The following SEM1 variants were observed in gnomAD, a reference collection of about 807,000 sequenced individuals.
The protein encoded by SEM1 is SEM1 26S proteasome subunit.
In SEM1, 3 loss-of-function variants were observed where a neutral mutation model predicts 12.7. The observed-to-expected ratio is 0.24, with a 90% CI of 0.11 to 0.61. The LOEUF (loss-of-function observed/expected upper bound fraction) is 0.61. SEM1 is among the 20% of genes least tolerant of loss of function. The pLI is 0.88. For synonymous variants in SEM1, 30 were observed against 27.8 expected, an observed-to-expected ratio of 1.08 and a Z score of -0.25; for missense variants, 59 against 81.3, an observed-to-expected ratio of 0.73 and a Z score of 1.06.
chr7:96,572,410 G>A (rs1056211068), intron 2 of SEM1, among the ~76,000 whole-genome samples: 3 of 152,108 alleles, frequency 2.0e-5, no homozygotes, highest in Non-Finnish European at 4.4e-5. Context: ...GCTTTCTCCT[G>A]TTGGCATCTA....
intron 2 of SEM1, chr7:96,656,658 T>A: frequency 6.6e-6 from 1 of 151,346 alleles, no homozygotes; most frequent in Non-Finnish European, 1.5e-5. Flanking sequence ...ACTGTCTTGG[T>A]ACAACAAAAT....
chr7:96,610,498 C>T (rs752877414), intron 2 of SEM1, among the ~76,000 whole-genome samples: 1 of 152,288 alleles, frequency 6.6e-6, no homozygotes, highest in East Asian at 1.9e-4. Flanking sequence ...AGGTAAGAGA[C>T]AAGAGAGGTA....
chr7:96,613,920 A>G (rs1432505454), intron 2 of SEM1, among the ~76,000 whole-genome samples: 1 of 152,212 alleles, frequency 6.6e-6, no homozygotes, highest in Non-Finnish European at 1.5e-5. Context: ...TTGTATCTAT[A>G]CCACATTTTA....
At chr7:96,701,372 C>A (rs955934059) in intron 1 of SEM1, among the ~76,000 whole-genome samples, 2 of 151,986 alleles carry the variant, frequency 1.3e-5, no homozygotes, top group Non-Finnish European at 2.9e-5. Context: ...TTAAGAGACA[C>A]CAGAGAGCAT....
intron 1 of SEM1, among the ~76,000 whole-genome samples, chr7:96,705,819 CAAA>C (rs1218812594): frequency 2.1e-5 from 2 of 96,440 alleles, no homozygotes; most frequent in Non-Finnish European, 2.2e-5. Flanking sequence ...GACTCTGTCT[CAAA>C]AAAAAAAAAA....
intron 2 of SEM1, among the ~76,000 whole-genome samples, chr7:96,519,265 T>C (rs6971293): frequency 0.65 from 99,269 of 152,034 alleles, 32,731 homozygotes; most frequent in East Asian, 0.87. Flanking sequence ...TCAACAAAAC[T>C]ATTTTTTTTG....
intron 2 of SEM1, among the ~76,000 whole-genome samples, chr7:96,580,227 T>G (rs1402124485): frequency 6.7e-6 from 1 of 148,802 alleles, no homozygotes; most frequent in South Asian, 2.2e-4. Flanking sequence ...GTGTTTGGTT[T>G]TTTGTTCTTG....
chr7:96,512,272 G>A (rs181177938), intron 2 of SEM1, among the ~76,000 whole-genome samples: 2 of 152,180 alleles, frequency 1.3e-5, no homozygotes, highest in East Asian at 3.9e-4. Context: ...GATGACAAAG[G>A]CCTCTTGATG....
intron 3 of SEM1, among the ~76,000 whole-genome samples, chr7:96,484,305 G>A (rs1802665466): frequency 6.6e-6 from 1 of 152,128 alleles, no homozygotes; most frequent in Non-Finnish European, 1.5e-5. Flanking sequence ...TCATATGCCT[G>A]TTTTCAACTT....
At position 96,630,147 on chromosome 7, in the gene SEM1, C is replaced by T. The variant is rs745525251; in HGVS notation, c.171-7504G>A. On this transcript the variant is annotated intron_variant, in intron 2 of 2. Transcript: ENST00000417009. Reference sequence around the variant, plus strand: ...CCAGTCCTTGGCTGCAGCTTATGTTCGCTTAAGGCCCTAGGGCTCTACACT... The same window carrying T: ...CCAGTCCTTGGCTGCAGCTTATGTTTGCTTAAGGCCCTAGGGCTCTACACT... Among the ~76,000 whole-genome samples, 6 of 152,108 alleles carry T rather than the reference C, an allele frequency of 3.9e-5. No homozygotes were observed. The East Asian group carries it at 9.7e-4, about 25-fold the overall frequency.
At chr7:96,679,632 G>A (rs1295399050) in intron 2 of SEM1, among the ~76,000 whole-genome samples, 8 of 152,018 alleles carry the variant, frequency 5.3e-5, no homozygotes, top group Non-Finnish European at 1.2e-4. Context: ...TTAGTGATCT[G>A]ATTGACCTCT....
chr7:96,653,607 C>G (rs183370953), intron 2 of SEM1: 1 of 152,296 alleles, frequency 6.6e-6, no homozygotes, highest in East Asian at 1.9e-4. Context: ...TTGATAACAA[C>G]CTGTACAGAT....
chr7:96,694,970 A>G (rs959925863), intron 1 of SEM1, 79 bp from the exon 2 acceptor site: 2 of 996,942 alleles, frequency 2.0e-6, no homozygotes, highest in Admixed American at 1.9e-5. Flanking sequence ...AAAGCTTGCT[A>G]CTGAACACTC....
intron 2 of SEM1, among the ~76,000 whole-genome samples, chr7:96,560,157 A>G (rs1805648167): frequency 6.6e-6 from 1 of 152,150 alleles, no homozygotes; most frequent in Non-Finnish European, 1.5e-5. Context: ...ATTTTTTTCA[A>G]ATATATCTGA....
At chr7:96,600,532 C>T (rs1046645969) in intron 2 of SEM1, among the ~76,000 whole-genome samples, 7 of 152,168 alleles carry the variant, frequency 4.6e-5, no homozygotes, top group Admixed American at 6.5e-5. Flanking sequence ...TCCTCTCAAA[C>T]AGATGAGGAA....
At chr7:96,559,711 C>G (rs1161913268) in intron 2 of SEM1, among the ~76,000 whole-genome samples, 3 of 152,240 alleles carry the variant, frequency 2.0e-5, no homozygotes, top group East Asian at 3.8e-4. Flanking sequence ...TCACCCATAT[C>G]TTGTTATCTT....
chr7:96,694,083 G>C (rs1007172824), intron 2 of SEM1, among the ~76,000 whole-genome samples: 1 of 151,748 alleles, frequency 6.6e-6, no homozygotes, highest in Non-Finnish European at 1.5e-5. Context: ...AGTGAAAAAA[G>C]GTACGCACGC....
At chr7:96,544,168 C>G (rs929433106) in intron 2 of SEM1, among the ~76,000 whole-genome samples, 3 of 151,994 alleles carry the variant, frequency 2.0e-5, no homozygotes, top group Admixed American at 6.6e-5. Flanking sequence ...ATTCCACAAC[C>G]ACTTTTGCTA....
At chr7:96,673,923 T>A in intron 2 of SEM1, 1 of 744,954 alleles carries the variant, frequency 1.3e-6, no homozygotes, top group South Asian at 1.4e-5. Flanking sequence ...TGTGGGCTGC[T>A]TGACCACAGC....
Sources: gnomAD v4.1 joint callset for allele counts (sites outside exome capture counted in the v4.1 genomes callset) on GRCh38, gnomAD v4.1.1 for gene constraint, MANE v1.5 for transcripts, NCBI Gene and HGNC (gene_info 2026-07-23, HGNC 2026-07-21) for gene names.